TARM1: variants seen among roughly 807,000 people sequenced by gnomAD.
TARM1 encodes the protein T-cell-interacting, activating receptor on myeloid cells protein 1.
A neutral mutation model predicts 30.4 loss-of-function variants in TARM1; 24 were observed. The ratio of observed to expected loss-of-function variants is 0.79; its 90% CI spans 0.57 to 1.11. The LOEUF (loss-of-function observed/expected upper bound fraction) is 1.11, where lower values mean the gene tolerates loss of function less well. Ranked by LOEUF, TARM1 falls within the 50% of genes least tolerant of loss-of-function variation. The probability of loss-of-function intolerance (pLI) is 0.00; values close to 1 mark genes in which losing one functional copy is unlikely to be tolerated. For missense variants in TARM1, 323 were observed against 332.8 expected (o/e 0.97, Z 0.23); for synonymous variants, 129 against 138.9 (o/e 0.93, Z 0.50).
intron 3 of TARM1, among the ~76,000 whole-genome samples, chr19:54,074,430 C>T (rs751608478): frequency 5.0e-4 from 76 of 152,216 alleles, no homozygotes; most frequent in Non-Finnish European, 9.6e-4. Flanking sequence ...CACCTGTAAT[C>T]CCAGCACTTT....
chr19:54,069,969 G>A lies in TARM1; in HGVS notation c.*34C>T. The A allele has an allele frequency of 6.6e-7, 1 of 1,514,412 alleles. No homozygotes were observed. Among genetic ancestry groups the A allele is most frequent in the South Asian group, 1.2e-5 (1 of 82,688 alleles). 93.8% of individuals were successfully genotyped at this position (1,514,412 alleles called of 1,614,324 possible). A position where few individuals can be genotyped will look rare whatever the true frequency, so the allele number is the denominator to read the frequency against. On this transcript the variant is annotated 3_prime_UTR_variant, in exon 5 of 5. Transcript: ENST00000432826. ...TGGGAATGCAGTCCAGCAGGTTGCA[G>A]CCTCAGTTTACCCAGCCCCGGTTCA... is the stretch of plus-strand genomic sequence containing the variant.
intron 4 of TARM1, among the ~76,000 whole-genome samples, chr19:54,073,600 TCTC>T (rs1385414140): frequency 6.6e-6 from 1 of 151,032 alleles, no homozygotes; most frequent in Admixed American, 6.6e-5. Context: ...TTCAAGCAAT[TCTC>T]CTGCCTCAGC....
At chr19:54,070,423 G>A (rs1441743359) in intron 4 of TARM1, among the ~76,000 whole-genome samples, 1 of 151,824 alleles carries the variant, frequency 6.6e-6, no homozygotes, top group African/African-American at 2.4e-5. Flanking sequence ...ACCATGCCCG[G>A]CTAATTTTAT....
intron 1 of TARM1, among the ~76,000 whole-genome samples, chr19:54,080,463 A>AC (rs2072095195): frequency 3.3e-5 from 2 of 60,834 alleles, no homozygotes; most frequent in African/African-American, 1.2e-4. Flanking sequence ...ATCTCAAAAA[A>AC]AAAAAAAAGA....
chr19:54,076,792 C>T (rs2071967024), intron 1 of TARM1, among the ~76,000 whole-genome samples: 1 of 152,122 alleles, frequency 6.6e-6, no homozygotes, highest in Non-Finnish European at 1.5e-5. Context: ...ATCCTCCCAC[C>T]TCAGCCTCCC....
chr19:54,074,056 T>C lies in TARM1; in HGVS notation c.522A>G (p.Pro174=). 1 of 1,551,728 alleles carries C rather than the reference T, an allele frequency of 6.4e-7. No individual in the cohort carries two copies. The highest frequency in any genetic ancestry group is 1.2e-5 in the South Asian group (1 of 84,066). ...GAGAGAAGTCTATCTCCTTCCCCGC[T>C]GGACTCTGCAGCTGGATGGGTGATG... The part of the protein sequence containing the change: ...GTPSPIQLQS[P]AGKEIDFSLV... Residue 174 remains proline, a synonymous_variant, in exon 4 of 5, where the codon CCA becomes CCG. Coordinates refer to ENST00000432826, the MANE Select transcript of TARM1 (RefSeq NM_001135686.3).
At position 54,074,022 on chromosome 19, in the gene TARM1, C is replaced by T. The variant is rs587640122; in HGVS notation, c.556G>A (p.Val186Met). The part of the protein sequence containing the change: ...GKEIDFSLVD[V>M]TAGDAGNYSC... ...TAGTTCCCAGCATCGCCGGCTGTCA[C>T]GTCCACCAGAGAGAAGTCTATCTCC... The change falls in exon 4 of 5, where the codon GTG becomes ATG. Residue 186 changes from valine (V) to methionine (M), a missense_variant. Transcript: ENST00000432826. 102 of 1,551,678 alleles carry T rather than the reference C, an allele frequency of 6.6e-5. 1 individual carries two copies. The highest frequency in any genetic ancestry group is 7.8e-5 in the Non-Finnish European group (89 of 1,146,990).
chr19:54,079,264 C>CAA (rs1568510341), intron 1 of TARM1, among the ~76,000 whole-genome samples: 1 of 44,314 alleles, frequency 2.3e-5, no homozygotes, highest in African/African-American at 6.9e-5. Flanking sequence ...ACTCCATCTC[C>CAA]GAAAAAAAAA....
chr19:54,075,868 T>G lies in TARM1; in HGVS notation c.70+15A>C. On this transcript the variant is annotated intron_variant, in intron 2 of 4. Coordinates refer to ENST00000432826, the MANE Select transcript of TARM1 (RefSeq NM_001135686.3). ...GATGACAGGCCAAGGAGGGTGTAGTTGAAGAAACACTCACCATCTCCCCTT... is the reference window on the plus strand; with the variant it reads ...GATGACAGGCCAAGGAGGGTGTAGTGGAAGAAACACTCACCATCTCCCCTT... 1 of 1,551,006 alleles carries G rather than the reference T, an allele frequency of 6.4e-7. No homozygotes were observed. Among genetic ancestry groups the G allele is most frequent in the Non-Finnish European group, 8.7e-7 (1 of 1,146,788 alleles).
intron 1 of TARM1, among the ~76,000 whole-genome samples, chr19:54,079,131 G>A (rs1265774227): frequency 1.3e-5 from 2 of 150,446 alleles, no homozygotes; most frequent in Non-Finnish European, 3.0e-5. Flanking sequence ...AGGCATGGTG[G>A]TGAGCGCCAG....
At chr19:54,076,148 C>T in intron 1 of TARM1, 1 of 1,484,594 alleles carries the variant, frequency 6.7e-7, no homozygotes, top group Non-Finnish European at 8.9e-7. Context: ...TGTCACCTCC[C>T]CCTGCTCCAG....
At chr19:54,076,247 T>C in intron 1 of TARM1, 1 of 1,489,266 alleles carries the variant, frequency 6.7e-7, no homozygotes, top group Non-Finnish European at 9.0e-7. Flanking sequence ...TTTTCTTTCC[T>C]TTCTTTCTTT....
At chr19:54,076,186 A>G in intron 1 of TARM1, 3 of 1,505,042 alleles carry the variant, frequency 2.0e-6, no homozygotes. Context: ...TTCCATTCTC[A>G]TCTTCTGTTT....
chr19:54,078,538 A>G (rs1419482364), intron 1 of TARM1, among the ~76,000 whole-genome samples: 7 of 151,710 alleles, frequency 4.6e-5, no homozygotes, highest in African/African-American at 1.7e-4. Flanking sequence ...GCCACCACGC[A>G]TGGCTAATTT....
intron 1 of TARM1, among the ~76,000 whole-genome samples, chr19:54,077,489 G>T (rs1258404910): frequency 1.3e-5 from 2 of 152,112 alleles, no homozygotes; most frequent in South Asian, 2.1e-4. Context: ...AGTTAGGCCT[G>T]TGTCTCTGAG....
At position 54,070,267 on chromosome 19, in the gene TARM1, T is replaced by TG. The variant is rs759367586; in HGVS notation, c.659-108dup. On this transcript the variant is annotated intron_variant, in intron 4 of 4. Coordinates refer to ENST00000432826, the MANE Select transcript of TARM1 (RefSeq NM_001135686.3). Reference sequence around the variant, plus strand: ...CACCCACTTAATGTTTTCGGTTTTTTGGTTTTTTTTTTTGAGACGGAGTTT... The same window carrying TG: ...CACCCACTTAATGTTTTCGGTTTTTTGGGTTTTTTTTTTTGAGACGGAGTTT... 3.1e-4 allele frequency: 440 copies of TG among 1,429,188 alleles called. 1 individual carries two copies. Among genetic ancestry groups the TG allele is most frequent in the African/African-American group, 5.3e-4 (36 of 67,882 alleles). The allele number at this position is 1,429,188 out of a possible 1,614,324, so 88.5% of individuals were successfully genotyped here.
At position 54,074,150 on chromosome 19, in the gene TARM1, G is replaced by A. The variant is rs770995860; in HGVS notation, c.428C>T (p.Thr143Ile). ...RGTVTAGGRV[T>I]LQCQKRDQLF... ...TTGGTCTCGCTTCTGGCACTGCAGA[G>A]TCACCCTTCCACCTGCGGTCACTGT... Residue 143 changes from threonine to isoleucine, a missense_variant, in exon 4 of 5, where the codon ACT becomes ATT. Physicochemically the swap from Thr to Ile is moderately conservative, Grantham distance 89 (BLOSUM62 -1). Transcript: ENST00000432826. The A allele has an allele frequency of 2.1e-5, 32 of 1,551,588 alleles. No individual in the cohort carries two copies. Among genetic ancestry groups the A allele is most frequent in the Non-Finnish European group, 2.6e-5 (30 of 1,147,010 alleles).
intron 4 of TARM1, 101 bp from the exon 5 acceptor site, chr19:54,070,261 G>GT: frequency 1.4e-6 from 2 of 1,446,076 alleles, no homozygotes; most frequent in Non-Finnish European, 1.8e-6. Context: ...AATGTTTTCG[G>GT]TTTTTTGGTT....
chr19:54,074,976 G>C lies in TARM1; in HGVS notation c.209C>G (p.Pro70Arg). Residue 70 changes from proline (P) to arginine (R), a missense_variant, in exon 3 of 5, where the codon CCG becomes CGG. Transcript: ENST00000432826. Reference sequence around the variant, plus strand: ...GCCCTCTGTAGAATCAAGGGGCTTCGGGGACTCCAGAATAATTCCTCCCTT... The same window carrying C: ...GCCCTCTGTAGAATCAAGGGGCTTCCGGGACTCCAGAATAATTCCTCCCTT... ...LRKGGIILESPKPLDSTEGAA... is the reference protein window; with the variant it reads ...LRKGGIILESRKPLDSTEGAA... The C allele has an allele frequency of 1.3e-6, 2 of 1,551,396 alleles. No homozygotes were observed. The highest frequency in any genetic ancestry group is 2.4e-5 in the South Asian group (2 of 84,040).
Sources: allele counts gnomAD v4.1 joint callset (sites outside exome capture counted in the v4.1 genomes callset), GRCh38; gene constraint gnomAD v4.1.1; transcripts MANE v1.5; gene names NCBI Gene and HGNC (gene_info 2026-07-23, HGNC 2026-07-21).